FBXL5: variants seen among roughly 807,000 people sequenced by gnomAD.
FBXL5 encodes the protein F-box and leucine rich repeat protein 5.
Under a neutral mutation model 78.3 loss-of-function variants are expected in FBXL5, and 26 were observed. That is an observed-to-expected ratio of 0.33 (90% CI 0.24 to 0.46). The LOEUF is 0.46. Among genes scored for constraint, FBXL5 ranks in the 20% least tolerant of loss-of-function variants. FBXL5 has a pLI of 1.00. For missense variants in FBXL5, 710 were observed against 829.2 expected, an observed-to-expected ratio of 0.86 and a Z score of 1.77; for synonymous variants, 295 against 282.5, an observed-to-expected ratio of 1.04 and a Z score of -0.45.
chr4:15,606,918 C>T (rs1721926968), intron 10 of FBXL5, among the ~76,000 whole-genome samples: 2 of 152,090 alleles, frequency 1.3e-5, no homozygotes, highest in African/African-American at 4.8e-5. Flanking sequence ...AACAAAAAAG[C>T]AAGTAAGCTA....
At chr4:15,649,818 A>G (rs1715759146) in intron 1 of FBXL5, among the ~76,000 whole-genome samples, 2 of 152,180 alleles carry the variant, frequency 1.3e-5, no homozygotes, top group Admixed American at 6.5e-5. Flanking sequence ...TAAAAAGTAG[A>G]TATCAAAATC....
chr4:15,640,549 T>C (rs1308128566), intron 3 of FBXL5, among the ~76,000 whole-genome samples: 1 of 152,020 alleles, frequency 6.6e-6, no homozygotes, highest in Non-Finnish European at 1.5e-5. Flanking sequence ...AAAAGAAAAT[T>C]AATATTTCCT....
intron 1 of FBXL5, among the ~76,000 whole-genome samples, chr4:15,668,586 A>C (rs1717641422): frequency 6.6e-6 from 1 of 152,236 alleles, no homozygotes; most frequent in African/African-American, 2.4e-5. Flanking sequence ...GGAAGTATAA[A>C]AGATTATAAT....
At chr4:15,657,985 A>G (rs541779605), upstream of FBXL5, among the ~76,000 whole-genome samples, 3 of 152,344 alleles carry the variant, frequency 2.0e-5, no homozygotes, top group East Asian at 5.8e-4. Flanking sequence ...GAAAACCCAC[A>G]TTGTAGAATA....
chr4:15,670,161 G>C (rs1221685936), intron 1 of FBXL5, among the ~76,000 whole-genome samples: 1 of 152,158 alleles, frequency 6.6e-6, no homozygotes, highest in Non-Finnish European at 1.5e-5. Flanking sequence ...TTGTATTCCA[G>C]TTTATTCACC....
chr4:15,650,449 G>A (rs1361511984), intron 1 of FBXL5, among the ~76,000 whole-genome samples: 1 of 152,028 alleles, frequency 6.6e-6, no homozygotes, highest in East Asian at 1.9e-4. Flanking sequence ...ACCCACAAAA[G>A]AGATTTATGA....
intron 1 of FBXL5, among the ~76,000 whole-genome samples, chr4:15,650,216 A>G (rs1308489174): frequency 2.0e-5 from 3 of 152,192 alleles, no homozygotes; most frequent in Non-Finnish European, 4.4e-5. Flanking sequence ...AAAAGAAATC[A>G]TCTGCCTCAA....
intron 1 of FBXL5, among the ~76,000 whole-genome samples, chr4:15,653,054 T>C (rs1247514101): frequency 4.4e-4 from 67 of 152,158 alleles, no homozygotes; most frequent in Non-Finnish European, 1.8e-4. Context: ...CTAAGAGAGA[T>C]TTCCATTGGC....
At chr4:15,662,206 A>G (rs529281027), upstream of FBXL5, among the ~76,000 whole-genome samples, 21 of 152,190 alleles carry the variant, frequency 1.4e-4, no homozygotes, top group Non-Finnish European at 2.8e-4. Flanking sequence ...CCATCTTTGA[A>G]GCTGGCTAAA....
chr4:15,636,894 A>G (rs1714342204), intron 4 of FBXL5, among the ~76,000 whole-genome samples: 1 of 152,220 alleles, frequency 6.6e-6, no homozygotes, highest in African/African-American at 2.4e-5. Flanking sequence ...ATCATACTTC[A>G]TCAGTGGGAG....
At position 15,625,699 on chromosome 4, in the gene FBXL5, G is replaced by A; in HGVS notation, c.1403C>T (p.Pro468Leu). Residue 468 changes from proline (P) to leucine (L), a missense_variant, in exon 9 of 11, where the codon CCT becomes CTT. Physicochemically the swap from Pro to Leu is moderately conservative, Grantham distance 98. Transcript: ENST00000341285. ...EIDNEHPWTK[P>L]VSSENFTSPY... Reference sequence around the variant, plus strand: ...AGAAGTGAAATTCTCAGAAGAAACAGGCTTAGTCCAGGGGTGTTCATTATC... The same window carrying A: ...AGAAGTGAAATTCTCAGAAGAAACAAGCTTAGTCCAGGGGTGTTCATTATC... 3.1e-6 allele frequency: 5 copies of A among 1,614,218 alleles called. No homozygotes were observed. The highest frequency in any genetic ancestry group is 4.2e-6 in the Non-Finnish European group (5 of 1,180,052).
chr4:15,634,649 G>A (rs544167358), intron 5 of FBXL5, among the ~76,000 whole-genome samples: 2 of 152,208 alleles, frequency 1.3e-5, no homozygotes, highest in South Asian at 4.1e-4. Context: ...TTACAGGTGT[G>A]AGCCACTGTG....
chr4:15,644,761 A>T, intron 1 of FBXL5, 53 bp from the exon 2 acceptor site: 1 of 1,304,528 alleles, frequency 7.7e-7, no homozygotes, highest in Non-Finnish European at 1.1e-6. Flanking sequence ...AATATGCACA[A>T]ATAAAAAATA....
intron 2 of FBXL5, among the ~76,000 whole-genome samples, chr4:15,643,566 T>C (rs927985484): frequency 2.3e-5 from 2 of 88,390 alleles, no homozygotes; most frequent in African/African-American, 8.1e-5. Flanking sequence ...CCACTATGTC[T>C]GGCTAAATTT....
At chr4:15,657,668 TTTTTC>T (rs1238406530), upstream of FBXL5, among the ~76,000 whole-genome samples, 1 of 152,240 alleles carries the variant, frequency 6.6e-6, no homozygotes, top group Non-Finnish European at 1.5e-5. Flanking sequence ...CTGTGAGTAA[TTTTTC>T]CCATGGAAAG....
upstream of FBXL5, among the ~76,000 whole-genome samples, chr4:15,658,110 T>A (rs1433615815): frequency 1.3e-5 from 2 of 152,244 alleles, no homozygotes; most frequent in African/African-American, 2.4e-5. Flanking sequence ...AAGCCTAATT[T>A]TGAGAACCCT....
chr4:15,624,655 A>G (rs1712833024), intron 9 of FBXL5, among the ~76,000 whole-genome samples: 2 of 152,180 alleles, frequency 1.3e-5, no homozygotes, highest in Admixed American at 6.5e-5. Flanking sequence ...TATTAAAAAA[A>G]AAAACAGAAA....
At chr4:15,643,325 G>A (rs1376050144) in intron 2 of FBXL5, among the ~76,000 whole-genome samples, 1 of 152,202 alleles carries the variant, frequency 6.6e-6, no homozygotes, top group Non-Finnish European at 1.5e-5. Flanking sequence ...TCCAGGTGAG[G>A]AGCACATGGT....
upstream of FBXL5, among the ~76,000 whole-genome samples, chr4:15,663,219 C>G (rs978756777): frequency 1.3e-5 from 2 of 152,098 alleles, no homozygotes; most frequent in Non-Finnish European, 2.9e-5. Context: ...TAATATTATA[C>G]ATTGATAATA....
Sources: allele counts gnomAD v4.1 joint callset (sites outside exome capture counted in the v4.1 genomes callset), GRCh38; gene constraint gnomAD v4.1.1; transcripts MANE v1.5; gene names NCBI Gene and HGNC (gene_info 2026-07-23, HGNC 2026-07-21).